PRKG2: variants seen among roughly 807,000 people sequenced by gnomAD.
The protein encoded by PRKG2 is protein kinase cGMP-dependent 2, also known as cGMP-dependent protein kinase 2.
A neutral mutation model predicts 97.2 loss-of-function variants in PRKG2; 33 were observed. That is an observed-to-expected ratio of 0.34 (90% confidence interval 0.26 to 0.45). PRKG2 has a LOEUF of 0.45. Among genes scored for constraint, PRKG2 ranks in the 20% least tolerant of loss-of-function variants. PRKG2 has a pLI of 1.00. For missense variants in PRKG2, 638 were observed against 900.0 expected (o/e 0.71, Z 3.73); for synonymous variants, 330 against 321.8 (o/e 1.03, Z -0.27).
intron 15 of PRKG2, among the ~76,000 whole-genome samples, 195 bp from the exon 16 acceptor site, chr4:81,106,130 T>TAC (rs1324506490): frequency 6.6e-6 from 1 of 152,074 alleles, no homozygotes; most frequent in South Asian, 2.1e-4. Flanking sequence ...TAGCACACAA[T>TAC]ACACACACAC....
rs575212906 is a variant in PRKG2, at chr4:81,182,311, G to A, written c.462-7352C>T. On this transcript the variant is annotated intron_variant, in intron 2 of 18. Coordinates refer to ENST00000264399, the MANE Select transcript of PRKG2 (RefSeq NM_006259.3). ...AAAAATGTAGCAAATATAATGGGAT[G>A]CAGAAAGAGTATTTGGTAAAATTAA... is the stretch of plus-strand genomic sequence containing the variant. 1.7e-4 allele frequency among the ~76,000 whole-genome samples: 26 copies of A among 152,084 alleles called. No homozygotes were observed. In the South Asian group the frequency reaches 5.0e-3, roughly 29 times the overall value.
At chr4:81,116,631 C>A (rs1453232534) in intron 14 of PRKG2, among the ~76,000 whole-genome samples, 3 of 152,166 alleles carry the variant, frequency 2.0e-5, no homozygotes, top group Admixed American at 2.0e-4. Flanking sequence ...AATTTACAAT[C>A]CCCTCAGCAG....
At chr4:81,169,311 G>C (rs1434439168) in intron 5 of PRKG2, among the ~76,000 whole-genome samples, 1 of 152,046 alleles carries the variant, frequency 6.6e-6, no homozygotes, top group Non-Finnish European at 1.5e-5. Flanking sequence ...CTTTTAGAAA[G>C]CTTGTCTTTT....
At chr4:81,105,169 A>G (rs1394148634) in intron 16 of PRKG2, among the ~76,000 whole-genome samples, 1 of 152,222 alleles carries the variant, frequency 6.6e-6, no homozygotes, top group Non-Finnish European at 1.5e-5. Flanking sequence ...AACTCAGGGT[A>G]TTAAGGATGT....
chr4:81,108,178 C>T (rs1005724112), intron 15 of PRKG2, among the ~76,000 whole-genome samples: 2 of 152,032 alleles, frequency 1.3e-5, no homozygotes, highest in African/African-American at 4.8e-5. Context: ...GCACTCCAGC[C>T]TGGGCAACAC....
chr4:81,123,651 G>A lies in PRKG2; in HGVS notation c.1776+11504C>T, dbSNP rs144617581. Among the ~76,000 whole-genome samples, 1,063 of 152,186 alleles carry A rather than the reference G, an allele frequency of 7.0e-3. 9 individuals carry two copies. The highest frequency in any genetic ancestry group is 0.024 in the African/African-American group (1,001 of 41,524). ...GATCTCCTGACCTCATGATCCGCTC[G>A]CCTCAGCCTCCCAAACTGCTGGGAT... On this transcript the variant is annotated intron_variant, in intron 14 of 18. Coordinates refer to ENST00000264399, the MANE Select transcript of PRKG2 (RefSeq NM_006259.3).
At chr4:81,120,382 A>C (rs1470847833) in intron 14 of PRKG2, among the ~76,000 whole-genome samples, 3 of 152,200 alleles carry the variant, frequency 2.0e-5, no homozygotes, top group African/African-American at 7.2e-5. Context: ...ATTCCTTTAC[A>C]TTTAATTCAG....
intron 8 of PRKG2, among the ~76,000 whole-genome samples, chr4:81,150,315 T>A (rs1000148099): frequency 6.6e-6 from 1 of 152,218 alleles, no homozygotes; most frequent in Admixed American, 6.5e-5. Flanking sequence ...AATACACTTA[T>A]GTTTCTTCCA....
Position 81,105,920 on chromosome 4 carries a change from C to T in PRKG2, c.1956G>A (p.Gly652=). 6.2e-7 allele frequency: 1 copy of T among 1,613,460 alleles called. No homozygotes were observed. The highest frequency in any genetic ancestry group is 1.3e-5 in the African/African-American group (1 of 74,970). The change falls in exon 16 of 19, where the codon GGG becomes GGA. Residue 652 remains glycine, a synonymous_variant. Coordinates refer to ENST00000264399, the MANE Select transcript of PRKG2 (RefSeq NM_006259.3). ...ELLTGNPPFS[G]VDQMMTYNLI... ...AATTGTAGGTCATCATTTGGTCAAC[C>T]CCAGAAAAGGGTGGGCTAGATAGAG...
intron 1 of PRKG2, among the ~76,000 whole-genome samples, chr4:81,214,333 T>C (rs955649972): frequency 3.3e-5 from 5 of 152,090 alleles, no homozygotes; most frequent in South Asian, 2.1e-4. Context: ...AGTTGCACCG[T>C]AGTTCTTCTC....
intron 2 of PRKG2, among the ~76,000 whole-genome samples, chr4:81,185,209 G>A (rs1448911689): frequency 6.6e-6 from 1 of 152,122 alleles, no homozygotes; most frequent in African/African-American, 2.4e-5. Flanking sequence ...GAGAAAAAAT[G>A]TTAAGGGCAG....
chr4:81,209,164 T>C (rs1234715885), intron 1 of PRKG2, among the ~76,000 whole-genome samples: 1 of 152,180 alleles, frequency 6.6e-6, no homozygotes, highest in East Asian at 1.9e-4. Flanking sequence ...CCACCAAGGG[T>C]AATTAGAAGA....
intron 14 of PRKG2, among the ~76,000 whole-genome samples, chr4:81,121,845 C>A (rs1169083444): frequency 1.3e-5 from 2 of 152,000 alleles, no homozygotes; most frequent in Non-Finnish European, 2.9e-5. Flanking sequence ...CAGTAAACAC[C>A]CTAGCATAGT....
intron 10 of PRKG2, among the ~76,000 whole-genome samples, chr4:81,143,693 G>C (rs1166602305): frequency 1.3e-5 from 2 of 152,036 alleles, no homozygotes; most frequent in Non-Finnish European, 2.9e-5. Context: ...GCACTATCTA[G>C]TGAACATGTG....
chr4:81,125,036 T>G (rs1000217587), intron 14 of PRKG2, among the ~76,000 whole-genome samples: 1 of 152,184 alleles, frequency 6.6e-6, no homozygotes, highest in Non-Finnish European at 1.5e-5. Flanking sequence ...TCATTTCTCT[T>G]TCTTATGTTC....
At chr4:81,188,119 C>T (rs1263030068) in intron 2 of PRKG2, among the ~76,000 whole-genome samples, 2 of 152,114 alleles carry the variant, frequency 1.3e-5, no homozygotes, top group African/African-American at 4.8e-5. Context: ...TTGCAACCTA[C>T]TCATCTGACA....
intron 9 of PRKG2, among the ~76,000 whole-genome samples, chr4:81,146,405 G>T (rs1241593646): frequency 6.6e-6 from 1 of 152,042 alleles, no homozygotes; most frequent in Non-Finnish European, 1.5e-5. Context: ...CCAACAGTCA[G>T]TGATAGAGAT....
At position 81,123,818 on chromosome 4, in the gene PRKG2, T is replaced by G. The variant is rs1341724771; in HGVS notation, c.1776+11337A>C. Among the ~76,000 whole-genome samples, 3 of 152,190 alleles carry G rather than the reference T, an allele frequency of 2.0e-5. No homozygotes were observed. In the East Asian group the frequency reaches 5.8e-4, roughly 29 times the overall value. ...TAATTTATGCTTTCTCTTTGATTATTTTTGGATTTTCTGTTTCCTTTGCGG... is the reference window on the plus strand; with the variant it reads ...TAATTTATGCTTTCTCTTTGATTATGTTTGGATTTTCTGTTTCCTTTGCGG... On this transcript the variant is annotated intron_variant, in intron 14 of 18. Transcript: ENST00000264399.
Position 81,144,232 on chromosome 4 carries a change from T to C in PRKG2, c.1253A>G (p.Lys418Arg). 9 of 1,602,456 alleles carry C rather than the reference T, an allele frequency of 5.6e-6. No individual in the cohort carries two copies. Among genetic ancestry groups the C allele is most frequent in the Non-Finnish European group, 7.7e-6 (9 of 1,169,576 alleles). The change falls in exon 10 of 19, where the codon AAG becomes AGG. Residue 418 changes from lysine (K) to arginine (R), a missense_variant and splice_region_variant. Physicochemically the swap from Lys to Arg is conservative, Grantham distance 26 (BLOSUM62 2). This residue lies in a region of PRKG2 where 304 missense variants were observed against 460.5 expected (regional missense o/e 0.66). Transcript: ENST00000264399. ...LNRDDEKRHA[K>R]RSMSNWKLSK... ...CTCAGGAAAACATTCCTCCACTTACTTCGCATGTCTTTTTTCATCATCACG... is the reference window on the plus strand; with the variant it reads ...CTCAGGAAAACATTCCTCCACTTACCTCGCATGTCTTTTTTCATCATCACG...
Sources: gnomAD v4.1 joint callset for allele counts (sites outside exome capture counted in the v4.1 genomes callset) on GRCh38, gnomAD v4.1.1 for gene constraint, gnomAD v4.1.1 regional missense constraint, MANE v1.5 for transcripts, NCBI Gene and HGNC (gene_info 2026-07-23, HGNC 2026-07-21) for gene names.